SRGAP3: variants seen among roughly 807,000 people sequenced by gnomAD.
SRGAP3 encodes the protein SLIT-ROBO Rho GTPase activating protein 3, also known as SLIT-ROBO Rho GTPase-activating protein 3.
A neutral mutation model predicts 121.1 loss-of-function variants in SRGAP3; 39 were observed. That is an observed-to-expected ratio of 0.32 (90% CI 0.25 to 0.42). The LOEUF is 0.42. SRGAP3 is among the 10% of genes least tolerant of loss of function. The pLI is 1.00. For synonymous variants in SRGAP3, 601 were observed against 570.0 expected (o/e 1.05, Z -0.77); for missense variants, 1,213 against 1,470.6 (o/e 0.82, Z 2.86).
chr3:9,032,773 A>G, intron 11 of SRGAP3, 21 bp from the exon 12 acceptor site: 1 of 1,603,658 alleles, frequency 6.2e-7, no homozygotes, highest in Non-Finnish European at 8.5e-7. Flanking sequence ...ACGGAACAAA[A>G]GAAATCAAGA....
intron 3 of SRGAP3, among the ~76,000 whole-genome samples, chr3:9,279,453 A>G (rs1954639520): frequency 6.6e-6 from 1 of 151,878 alleles, no homozygotes; most frequent in Non-Finnish European, 1.5e-5. Flanking sequence ...TCTCTGTCTG[A>G]GCAAAATCCA....
chr3:9,170,988 G>A (rs547258647), intron 1 of SRGAP3, among the ~76,000 whole-genome samples: 4 of 152,334 alleles, frequency 2.6e-5, no homozygotes, highest in East Asian at 1.9e-4. Flanking sequence ...GACAGCGCAC[G>A]CATCTGAGGA....
intron 6 of SRGAP3, 68 bp from the exon 7 acceptor site, chr3:9,058,540 CCA>C (rs1253597839): frequency 6.8e-6 from 10 of 1,477,688 alleles, no homozygotes; most frequent in Non-Finnish European, 9.4e-6. Flanking sequence ...TCACTGGCCA[CCA>C]CAGTGACTTA....
intron 3 of SRGAP3, among the ~76,000 whole-genome samples, chr3:9,278,555 T>C (rs548165356): frequency 3.9e-5 from 6 of 152,360 alleles, no homozygotes; most frequent in East Asian, 1.9e-4. Context: ...GTAGAATTTG[T>C]TGTGGTGGTG....
chr3:9,291,008 A>C (rs1459982239), intron 3 of SRGAP3, among the ~76,000 whole-genome samples: 1 of 152,162 alleles, frequency 6.6e-6, no homozygotes, highest in Non-Finnish European at 1.5e-5. Context: ...TGCTGAGGTC[A>C]AAAAAGAGAG....
intron 1 of SRGAP3, among the ~76,000 whole-genome samples, chr3:9,228,628 T>C (rs1413693782): frequency 6.6e-6 from 1 of 152,132 alleles, no homozygotes; most frequent in East Asian, 1.9e-4. Context: ...CTGGACTTCA[T>C]TGATTTCTTC....
intron 1 of SRGAP3, among the ~76,000 whole-genome samples, chr3:9,201,720 G>A (rs957210246): frequency 6.6e-6 from 1 of 152,196 alleles, no homozygotes; most frequent in African/African-American, 2.4e-5. Flanking sequence ...AGCTTATTCT[G>A]TATCAAGTGC....
Position 9,203,825 on chromosome 3 carries a change from G to A in SRGAP3, c.67+45060C>T, listed in dbSNP as rs549641258. On this transcript the variant is annotated intron_variant, in intron 1 of 21. Transcript: ENST00000383836. ...CTGTGTTCACATAGCCCTTTACAAC[G>A]TGCAAATGGCTTTCATACCCGGGAT... 2.8e-4 allele frequency among the ~76,000 whole-genome samples: 43 copies of A among 152,290 alleles called. 1 individual carries two copies. The highest frequency in any genetic ancestry group is 6.2e-4 in the South Asian group (3 of 4,822).
chr3:9,163,475 T>C (rs1423131962), intron 1 of SRGAP3, among the ~76,000 whole-genome samples: 1 of 152,258 alleles, frequency 6.6e-6, no homozygotes, highest in African/African-American at 2.4e-5. Flanking sequence ...TGAATGTGGC[T>C]GCCCCTTGGC....
At chr3:9,059,881 T>A in intron 6 of SRGAP3, 1 of 351,000 alleles carries the variant, frequency 2.8e-6, no homozygotes, top group Non-Finnish European at 5.5e-6. Context: ...CACTGGGAAA[T>A]CCCCCAAGGC....
Position 9,028,270 on chromosome 3 carries a change from C to A in SRGAP3, c.1540-1275G>T, listed in dbSNP as rs562147116. 1.2e-5 allele frequency: 15 copies of A among 1,207,650 alleles called. No homozygotes were observed. In the African/African-American group the frequency reaches 1.4e-4, roughly 11 times the overall value. The allele number at this position is 1,207,650 out of a possible 1,614,324, so 74.8% of individuals were successfully genotyped here. A position where few individuals can be genotyped will look rare whatever the true frequency, so the allele number is the denominator to read the frequency against. On this transcript the variant is annotated intron_variant, in intron 12 of 21. Transcript: ENST00000383836. ...GGCAGCCAGCCAAGGTCCTGGGGAG[C>A]CTGCCAAACAGCCGGCCTGTGGGGA...
At chr3:9,319,240 C>A (rs909731007) in intron 3 of SRGAP3, among the ~76,000 whole-genome samples, 1 of 151,870 alleles carries the variant, frequency 6.6e-6, no homozygotes, top group African/African-American at 2.4e-5. Flanking sequence ...CCAAACCCAG[C>A]GATGCTGGTT....
chr3:9,173,040 A>AG (rs1951042780), intron 1 of SRGAP3, among the ~76,000 whole-genome samples: 1 of 152,178 alleles, frequency 6.6e-6, no homozygotes, highest in African/African-American at 2.4e-5. Context: ...CGTGGCCACA[A>AG]GCCCCTAAGC....
Position 8,985,330 on chromosome 3 carries a change from C to T in SRGAP3, c.*189G>A, listed in dbSNP as rs1941620576. 2.3e-6 allele frequency: 3 copies of T among 1,283,008 alleles called. No homozygotes were observed. The highest frequency in any genetic ancestry group is 2.7e-5 in the East Asian group (1 of 36,694). 79.5% of individuals were successfully genotyped at this position (1,283,008 alleles called of 1,614,324 possible). A position where few individuals can be genotyped will look rare whatever the true frequency, so the allele number is the denominator to read the frequency against. On this transcript the variant is annotated 3_prime_UTR_variant, in exon 22 of 22. Coordinates refer to ENST00000383836, the MANE Select transcript of SRGAP3 (RefSeq NM_014850.4). This position sits in a 1 kb window ranked among gnomAD's most constrained non-coding sequence, Gnocchi z 5.1. ...GTCGTCTGTTGACACGCGAGAGGTC[C>T]GTGGGATTCCCATGGCTGGACGTGA...
At chr3:9,059,065 C>T (rs1043155295) in intron 6 of SRGAP3, 2 of 154,640 alleles carry the variant, frequency 1.3e-5, no homozygotes, top group Admixed American at 1.3e-4. Flanking sequence ...ACCCTTCTTT[C>T]GGAATTCAGT....
At chr3:9,330,648 C>T (rs553455565) in intron 1 of SRGAP3, 1 of 152,254 alleles carries the variant, frequency 6.6e-6, no homozygotes, top group African/African-American at 2.4e-5. Context: ...TTTAATTGAG[C>T]AATGAATGAT....
chr3:9,238,654 C>A (rs1953507413), intron 1 of SRGAP3, among the ~76,000 whole-genome samples: 2 of 152,158 alleles, frequency 1.3e-5, no homozygotes, highest in African/African-American at 4.8e-5. Flanking sequence ...AGGCAACCAC[C>A]AAACAGATTC....
chr3:9,127,950 G>A (rs1469976393), intron 1 of SRGAP3, among the ~76,000 whole-genome samples: 1 of 151,734 alleles, frequency 6.6e-6, no homozygotes, highest in Non-Finnish European at 1.5e-5. Flanking sequence ...GAGGAGGGGA[G>A]GGGAGGGGAG....
chr3:9,047,294 C>A, intron 10 of SRGAP3, 97 bp downstream of exon 10: 2 of 1,271,656 alleles, frequency 1.6e-6, no homozygotes, highest in Non-Finnish European at 2.2e-6. Flanking sequence ...CAGGTGCCTG[C>A]TGTCTCAAGC....
Sources: allele counts gnomAD v4.1 joint callset (sites outside exome capture counted in the v4.1 genomes callset), GRCh38; gene constraint gnomAD v4.1.1; non-coding constraint Gnocchi (gnomAD v3.1); transcripts MANE v1.5; gene names NCBI Gene and HGNC (gene_info 2026-07-23, HGNC 2026-07-21).